RB1: variants seen among roughly 807,000 people sequenced by gnomAD.
RB1 encodes the protein retinoblastoma-associated protein.
RB1 carries 18 observed loss-of-function variants against 135.4 expected under a neutral mutation model. The observed-to-expected ratio is 0.13, with a 90% confidence interval of 0.09 to 0.20. RB1 has a LOEUF of 0.20. Ranked by LOEUF, RB1 falls within the 10% of genes least tolerant of loss-of-function variation. RB1 has a pLI of 1.00. For missense variants in RB1, 868 were observed against 1,110.0 expected, an observed-to-expected ratio of 0.78 and a Z score of 3.10; for synonymous variants, 365 against 373.2, an observed-to-expected ratio of 0.98 and a Z score of 0.25.
chr13:48,321,576 C>G lies in RB1; in HGVS notation c.264+14170C>G, dbSNP rs143863204. 2.6e-3 allele frequency among the ~76,000 whole-genome samples: 390 copies of G among 152,014 alleles called. 1 individual carries two copies. Among genetic ancestry groups the G allele is most frequent in the African/African-American group, 9.0e-3 (372 of 41,468 alleles). ...CTTCTTTTGAAAAATGTCCGTTTGG[C>G]TGGGCGCGGTGGCTCACGTCTGTAA... On this transcript the variant is annotated intron_variant, in intron 2 of 26. Transcript: ENST00000267163.
At chr13:48,412,690 T>C (rs756842552) in intron 17 of RB1, 92 of 501,510 alleles carry the variant, frequency 1.8e-4, no homozygotes, top group Non-Finnish European at 3.0e-4. Context: ...CTCAGTTAAC[T>C]GACGAGCAAC....
intron 18 of RB1, among the ~76,000 whole-genome samples, chr13:48,453,791 A>G (rs1949343690): frequency 6.6e-6 from 1 of 152,216 alleles, no homozygotes; most frequent in Non-Finnish European, 1.5e-5. Context: ...GAAAAAGAGC[A>G]GGTAGAGGAA....
At chr13:48,479,588 T>G (rs778731541) in intron 26 of RB1, among the ~76,000 whole-genome samples, 1 of 152,150 alleles carries the variant, frequency 6.6e-6, no homozygotes, top group Admixed American at 6.6e-5. Context: ...GGAAAAAAAT[T>G]TACTCACAGG....
intron 2 of RB1, chr13:48,320,285 T>A (rs1214692803): frequency 2.5e-6 from 3 of 1,222,842 alleles, no homozygotes; most frequent in Non-Finnish European, 3.5e-6. Context: ...CGCTCATCGG[T>A]GGTGCCCCGA....
At position 48,480,072 on chromosome 13, in the gene RB1, G is replaced by C. The variant is rs2138364644; in HGVS notation, c.*1G>C. On this transcript the variant is annotated 3_prime_UTR_variant, in exon 27 of 27. Transcript: ENST00000267163. ...TACCTCAAACAAGGAAGAGAAATGAGGATCTCAGGACCTTGGTGGACACTG... is the reference window on the plus strand; with the variant it reads ...TACCTCAAACAAGGAAGAGAAATGACGATCTCAGGACCTTGGTGGACACTG... 6.2e-7 allele frequency: 1 copy of C among 1,609,556 alleles called. No homozygotes were observed. Among genetic ancestry groups the C allele is most frequent in the Non-Finnish European group, 8.5e-7 (1 of 1,176,308 alleles).
chr13:48,423,124 G>A lies in RB1; in HGVS notation c.1696-29869G>A, dbSNP rs145838790. ...CATCCTGAGTGACAGAGAGAGGCCT[G>A]TTCTCAAATAAATAAGTAAATAAAT... On this transcript the variant is annotated intron_variant, in intron 17 of 26. Transcript: ENST00000267163. Among the ~76,000 whole-genome samples the A allele has an allele frequency of 2.6e-3, 395 of 152,192 alleles. 1 individual carries two copies. The highest frequency in any genetic ancestry group is 9.1e-3 in the African/African-American group (377 of 41,520).
Position 48,342,722 on chromosome 13 carries a change from T to G in RB1, c.380+8T>G. On this transcript the variant is annotated splice_region_variant and intron_variant, in intron 3 of 26. Transcript: ENST00000267163. ...GAAAAACATAGAAATCAGGTAAAGT[T>G]TCTTGTATAAATATAAGCCTCTGCC... is the stretch of plus-strand genomic sequence containing the variant. 6.4e-7 allele frequency: 1 copy of G among 1,557,522 alleles called. No homozygotes were observed. Among genetic ancestry groups the G allele is most frequent in the Non-Finnish European group, 8.9e-7 (1 of 1,129,008 alleles).
intron 6 of RB1, among the ~76,000 whole-genome samples, chr13:48,352,139 G>A (rs558755839): frequency 6.6e-6 from 1 of 152,264 alleles, no homozygotes; most frequent in African/African-American, 2.4e-5. Context: ...AAGATCAGCT[G>A]GTCCTAGGTG....
intron 13 of RB1, 75 bp from the exon 14 acceptor site, chr13:48,379,519 C>CAAAA: frequency 2.0e-5 from 24 of 1,217,204 alleles, no homozygotes; most frequent in Middle Eastern, 3.0e-4. Context: ...GACTCCATCT[C>CAAAA]AAAAAAAAAA....
chr13:48,453,050 C>T lies in RB1; in HGVS notation c.1753C>T (p.His585Tyr), dbSNP rs1401332173. ...QSKDREGPTD[H>Y]LESACPLNLP... ...AAAGGACCGAGAAGGACCAACTGATCACCTTGAATCTGCTTGTCCTCTTAA... is the reference window on the plus strand; with the variant it reads ...AAAGGACCGAGAAGGACCAACTGATTACCTTGAATCTGCTTGTCCTCTTAA... Residue 585 changes from histidine (H) to tyrosine (Y), a missense_variant, in exon 18 of 27, where the codon CAC becomes TAC. This residue lies in a region of RB1 where 641 missense variants were observed against 791.3 expected (regional missense o/e 0.81). Coordinates refer to ENST00000267163, the MANE Select transcript of RB1 (RefSeq NM_000321.3). 3.7e-6 allele frequency: 6 copies of T among 1,613,264 alleles called. No individual in the cohort carries two copies. The highest frequency in any genetic ancestry group is 1.7e-5 in the Admixed American group (1 of 59,992).
rs1157983070 is a variant in RB1 at position 48,319,408 on chromosome 13, C to A, written c.264+12002C>A. ...TCAGTGCCGTCGTTGCTGCTGGAGT[C>A]TGACGCCTCGGGCGCCTGCGCCGCA... On this transcript the variant is annotated intron_variant, in intron 2 of 26. Coordinates refer to ENST00000267163, the MANE Select transcript of RB1 (RefSeq NM_000321.3). The surrounding 1 kb of genome is among the most constrained non-coding windows in gnomAD (Gnocchi z 5.0). 1.8e-5 allele frequency: 7 copies of A among 395,144 alleles called. No homozygotes were observed. Among genetic ancestry groups the A allele is most frequent in the Non-Finnish European group, 2.8e-5 (6 of 211,348 alleles). The allele number at this position is 395,144 out of a possible 1,614,324, so 24.5% of individuals were successfully genotyped here.
intron 3 of RB1, among the ~76,000 whole-genome samples, chr13:48,343,826 T>C (rs1952468514): frequency 6.6e-6 from 1 of 152,244 alleles, no homozygotes; most frequent in Non-Finnish European, 1.5e-5. Flanking sequence ...TTCTTTGTCA[T>C]TTCTACTCTT....
intron 17 of RB1, among the ~76,000 whole-genome samples, chr13:48,403,474 C>T (rs1302583504): frequency 6.6e-6 from 1 of 151,786 alleles, no homozygotes; most frequent in Non-Finnish European, 1.5e-5. Context: ...ATTGTGGATA[C>T]AATAAAGTAG....
At chr13:48,333,699 T>C (rs903770812) in intron 2 of RB1, among the ~76,000 whole-genome samples, 3 of 151,434 alleles carry the variant, frequency 2.0e-5, no homozygotes, top group Non-Finnish European at 2.9e-5. Context: ...GTGGTTCAGT[T>C]GCTGCTTGTT....
At chr13:48,316,922 G>C (rs1162561714) in intron 2 of RB1, 1 of 365,300 alleles carries the variant, frequency 2.7e-6, no homozygotes, top group South Asian at 3.6e-5. Context: ...AGTCACTGGC[G>C]TCACTAACCA....
At chr13:48,365,754 A>G (rs932360304) in intron 9 of RB1, among the ~76,000 whole-genome samples, 10 of 152,182 alleles carry the variant, frequency 6.6e-5, no homozygotes, top group African/African-American at 1.4e-4. Context: ...AATGCTTAAT[A>G]TATGTCAGGC....
chr13:48,466,569 A>G (rs529453249), intron 23 of RB1, among the ~76,000 whole-genome samples: 3 of 152,260 alleles, frequency 2.0e-5, no homozygotes, highest in Non-Finnish European at 4.4e-5. Context: ...AATGACTTTG[A>G]CGAGCTGAGA....
At chr13:48,464,716 A>G (rs1949426368) in intron 21 of RB1, among the ~76,000 whole-genome samples, 1 of 151,612 alleles carries the variant, frequency 6.6e-6, no homozygotes, top group Non-Finnish European at 1.5e-5. Flanking sequence ...CAGTCTATAT[A>G]CTCTTCTCTT....
At chr13:48,463,583 A>G in intron 20 of RB1, 148 bp from the exon 21 acceptor site, 2 of 626,268 alleles carry the variant, frequency 3.2e-6, no homozygotes, top group African/African-American at 1.8e-5. Flanking sequence ...CACTTCATGT[A>G]GACTTTCAAA....
Sources: gnomAD v4.1 joint callset for allele counts (sites outside exome capture counted in the v4.1 genomes callset) on GRCh38, gnomAD v4.1.1 for gene constraint, gnomAD v4.1.1 regional missense constraint, Gnocchi (gnomAD v3.1) non-coding constraint, MANE v1.5 for transcripts, NCBI Gene and HGNC (gene_info 2026-07-23, HGNC 2026-07-21) for gene names.